Variants in TTBK1 observed in about 807,000 individuals in gnomAD.
The protein encoded by TTBK1 is tau tubulin kinase 1.
A neutral mutation model predicts 108.5 loss-of-function variants in TTBK1; 34 were observed. That is an observed-to-expected ratio of 0.31 (90% CI 0.24 to 0.42). The LOEUF (loss-of-function observed/expected upper bound fraction) is 0.42. Ranked by LOEUF, TTBK1 falls within the 10% of genes least tolerant of loss-of-function variation. The pLI is 1.00. For synonymous variants in TTBK1, 809 were observed against 795.1 expected (o/e 1.02, Z -0.29); for missense variants, 1,539 against 1,826.0 (o/e 0.84, Z 2.86).
chr6:43,266,210 G>A (rs1173204685), intron 13 of TTBK1, among the ~76,000 whole-genome samples: 3 of 152,234 alleles, frequency 2.0e-5, no homozygotes, highest in East Asian at 3.8e-4. Context: ...AGCTCGAGCT[G>A]TGCACTGGTG....
intron 9 of TTBK1, among the ~76,000 whole-genome samples, chr6:43,256,361 C>T (rs1777380861): frequency 6.6e-6 from 1 of 152,070 alleles, no homozygotes; most frequent in South Asian, 2.1e-4. Context: ...ACTCAAGCTC[C>T]TGACCTTTTG....
At chr6:43,256,737 TCAAA>T in intron 9 of TTBK1, among the ~76,000 whole-genome samples, 1 of 146,622 alleles carries the variant, frequency 6.8e-6, no homozygotes, top group South Asian at 2.2e-4. Flanking sequence ...AGACTCCATC[TCAAA>T]CAAACAAATA....
Position 43,259,502 on chromosome 6 carries a change from C to T in TTBK1, c.1249-29C>T. The T allele has an allele frequency of 6.5e-7, 1 of 1,532,650 alleles. No homozygotes were observed. The highest frequency in any genetic ancestry group is 8.7e-7 in the Non-Finnish European group (1 of 1,143,710). 94.9% of individuals were successfully genotyped at this position (1,532,650 alleles called of 1,614,324 possible). A position where few individuals can be genotyped will look rare whatever the true frequency, so the allele number is the denominator to read the frequency against. On this transcript the variant is annotated intron_variant, in intron 11 of 14. Coordinates refer to ENST00000259750, the MANE Select transcript of TTBK1 (RefSeq NM_032538.3). The surrounding 1 kb of genome is among the most constrained non-coding windows in gnomAD (Gnocchi z 6.7). Reference sequence around the variant, plus strand: ...TCCGCCCACAGCCGCCTCATCAGCCCCAGCTCATGGCACTCCCCTCTCCTG... The same window carrying T: ...TCCGCCCACAGCCGCCTCATCAGCCTCAGCTCATGGCACTCCCCTCTCCTG...
chr6:43,271,136 G>A (rs1777823080), intron 13 of TTBK1: 4 of 985,474 alleles, frequency 4.1e-6, no homozygotes, highest in Non-Finnish European at 4.8e-6. Flanking sequence ...TGTTCCCCTG[G>A]GGAATGCGGT....
intron 13 of TTBK1, chr6:43,270,825 A>G (rs1242092344): frequency 3.0e-6 from 3 of 985,366 alleles, no homozygotes; most frequent in Non-Finnish European, 3.6e-6. Context: ...GGATGACGTG[A>G]GAAACCATGT....
At chr6:43,268,962 C>T (rs1444455655) in intron 13 of TTBK1, among the ~76,000 whole-genome samples, 2 of 152,220 alleles carry the variant, frequency 1.3e-5, no homozygotes, top group Admixed American at 6.5e-5. Flanking sequence ...CGAATCCTCA[C>T]GACCACCCTT....
Position 43,282,769 on chromosome 6 carries a change from C to A in TTBK1, c.2029C>A (p.Arg677=), listed in dbSNP as rs975647102. Residue 677 remains arginine (R), a synonymous_variant, in exon 14 of 15, where the codon CGA becomes AGA. Transcript: ENST00000259750. The surrounding 1 kb of genome is among the most constrained non-coding windows in gnomAD (Gnocchi z 5.4). ...APPFEVNGLP[R]AVPLSLPYQD... ...CCCATTTGAGGTGAATGGCCTCCCACGAGCTGTGCCTCTGAGTCTGCCCTA... is the reference window on the plus strand; with the variant it reads ...CCCATTTGAGGTGAATGGCCTCCCAAGAGCTGTGCCTCTGAGTCTGCCCTA... The A allele has an allele frequency of 1.2e-6, 2 of 1,613,066 alleles. No homozygotes were observed. Among genetic ancestry groups the A allele is most frequent in the Non-Finnish European group, 1.7e-6 (2 of 1,179,584 alleles).
At chr6:43,258,018 G>A (rs1777425039) in intron 10 of TTBK1, 52 bp downstream of exon 10, 2 of 1,580,976 alleles carry the variant, frequency 1.3e-6, no homozygotes, top group East Asian at 4.5e-5. Flanking sequence ...TGTTACCTAA[G>A]AGGGCAGGCG....
intron 1 of TTBK1, among the ~76,000 whole-genome samples, chr6:43,245,519 CACAG>C (rs1582468355): frequency 6.6e-6 from 1 of 151,592 alleles, no homozygotes; most frequent in African/African-American, 2.4e-5. Flanking sequence ...TAGAAAAGCA[CACAG>C]ACACACAGAA....
chr6:43,261,739 T>TG (rs1186133458), intron 12 of TTBK1, among the ~76,000 whole-genome samples: 2 of 138,776 alleles, frequency 1.4e-5, no homozygotes, highest in East Asian at 2.2e-4. Flanking sequence ...AGCTTGAACC[T>TG]GGGGGGTGGA....
chr6:43,257,702 C>A lies in TTBK1; in HGVS notation c.862-110C>A. The A allele has an allele frequency of 8.7e-7, 1 of 1,146,212 alleles. No individual in the cohort carries two copies. The allele number at this position is 1,146,212 out of a possible 1,614,324, so 71.0% of individuals were successfully genotyped here. A position where few individuals can be genotyped will look rare whatever the true frequency, so the allele number is the denominator to read the frequency against. On this transcript the variant is annotated intron_variant, in intron 9 of 14. Coordinates refer to ENST00000259750, the MANE Select transcript of TTBK1 (RefSeq NM_032538.3). This position sits in a 1 kb window ranked among gnomAD's most constrained non-coding sequence, Gnocchi z 4.5. ...TTCCAATGCCCCCTCCAGGCCCATT[C>A]CTGTCCTGGAAAGTCCCTGTCTTCC... is the stretch of plus-strand genomic sequence containing the variant.
chr6:43,259,496 T>C lies in TTBK1; in HGVS notation c.1249-35T>C. ...AGACCATCCGCCCACAGCCGCCTCATCAGCCCCAGCTCATGGCACTCCCCT... is the reference window on the plus strand; with the variant it reads ...AGACCATCCGCCCACAGCCGCCTCACCAGCCCCAGCTCATGGCACTCCCCT... On this transcript the variant is annotated intron_variant, in intron 11 of 14. Transcript: ENST00000259750. This position sits in a 1 kb window ranked among gnomAD's most constrained non-coding sequence, Gnocchi z 6.7. 1 of 1,524,432 alleles carries C rather than the reference T, an allele frequency of 6.6e-7. No individual in the cohort carries two copies. Among genetic ancestry groups the C allele is most frequent in the Non-Finnish European group, 8.8e-7 (1 of 1,139,732 alleles). The allele number at this position is 1,524,432 out of a possible 1,614,324, so 94.4% of individuals were successfully genotyped here.
chr6:43,260,277 G>A (rs571857595), intron 12 of TTBK1, among the ~76,000 whole-genome samples: 16 of 152,296 alleles, frequency 1.1e-4, no homozygotes, highest in Admixed American at 2.6e-4. Flanking sequence ...TGTTGACCTC[G>A]GATGGTGGGT....
rs1329030909 is a variant in TTBK1 at position 43,287,580 on chromosome 6, C to G, written c.*2204C>G. 1 of 152,222 alleles carries G rather than the reference C, an allele frequency of 6.6e-6. No individual in the cohort carries two copies. Among genetic ancestry groups the G allele is most frequent in the Non-Finnish European group, 1.5e-5 (1 of 68,090 alleles). 9.4% of individuals were successfully genotyped at this position (152,222 alleles called of 1,614,324 possible). ...CTAGGGCTCCCAACTGACCTCAGGC[C>G]TCTGAGTCACTGAATGTCACCAGGA... On this transcript the variant is annotated 3_prime_UTR_variant, in exon 15 of 15. Coordinates refer to ENST00000259750, the MANE Select transcript of TTBK1 (RefSeq NM_032538.3). This position sits in a 1 kb window ranked among gnomAD's most constrained non-coding sequence, Gnocchi z 4.1.
At chr6:43,254,915 A>G (rs1023757098) in intron 6 of TTBK1, 134 bp from the exon 7 acceptor site, 42 of 917,922 alleles carry the variant, frequency 4.6e-5, no homozygotes, top group Non-Finnish European at 7.5e-5. Flanking sequence ...TTAGGACTGG[A>G]AGGTCAGAGA....
At chr6:43,272,737 C>A in intron 13 of TTBK1, 1 of 958,442 alleles carries the variant, frequency 1.0e-6, no homozygotes, top group Non-Finnish European at 1.2e-6. Context: ...GGCAGAGCTT[C>A]ACATGGTTTG....
In TTBK1 at chr6:43,246,868, G is replaced by C. The variant is rs1582470375; in HGVS notation, c.108+100G>C. 7.9e-6 allele frequency: 7 copies of C among 888,132 alleles called. No homozygotes were observed. In the Admixed American group the frequency reaches 1.9e-4, roughly 25 times the overall value. 55.0% of individuals were successfully genotyped at this position (888,132 alleles called of 1,614,324 possible). A position where few individuals can be genotyped will look rare whatever the true frequency, so the allele number is the denominator to read the frequency against. ...GGTGCCCTCCGCTCCCCTACCCTAA[G>C]AGGGAGGTGCCTCTAAGCTCATTTG... On this transcript the variant is annotated intron_variant, in intron 2 of 14. Coordinates refer to ENST00000259750, the MANE Select transcript of TTBK1 (RefSeq NM_032538.3).
intron 2 of TTBK1, among the ~76,000 whole-genome samples, chr6:43,251,996 G>A (rs1299117102): frequency 1.3e-5 from 2 of 152,192 alleles, no homozygotes; most frequent in East Asian, 1.9e-4. Flanking sequence ...GGGAGGTCTG[G>A]CAATTGGTTT....
chr6:43,259,780 G>A lies in TTBK1; in HGVS notation c.1424+74G>A. 1 of 1,411,798 alleles carries A rather than the reference G, an allele frequency of 7.1e-7. No homozygotes were observed. Among genetic ancestry groups the A allele is most frequent in the East Asian group, 2.6e-5 (1 of 37,908 alleles). 87.5% of individuals were successfully genotyped at this position (1,411,798 alleles called of 1,614,324 possible). On this transcript the variant is annotated intron_variant, in intron 12 of 14. Transcript: ENST00000259750. The surrounding 1 kb of genome is among the most constrained non-coding windows in gnomAD (Gnocchi z 6.7). Reference sequence around the variant, plus strand: ...TTCACGTGGCTGGTCTGGAGGAAAAGTTAGATGTGTGGCGGAGGTGGGCAG... The same window carrying A: ...TTCACGTGGCTGGTCTGGAGGAAAAATTAGATGTGTGGCGGAGGTGGGCAG...
Sources: gnomAD v4.1 joint callset for allele counts (sites outside exome capture counted in the v4.1 genomes callset) on GRCh38, gnomAD v4.1.1 for gene constraint, Gnocchi (gnomAD v3.1) non-coding constraint, MANE v1.5 for transcripts, NCBI Gene and HGNC (gene_info 2026-07-23, HGNC 2026-07-21) for gene names.